Variants in DHPS observed in about 807,000 individuals in gnomAD.
The protein encoded by DHPS is migration-inducing gene 13.
Under a neutral mutation model 38.7 loss-of-function variants are expected in DHPS, and 24 were observed. The observed-to-expected ratio is 0.62, with a 90% CI of 0.45 to 0.87. DHPS has a LOEUF of 0.87. Among genes scored for constraint, DHPS ranks in the 40% least tolerant of loss-of-function variants. DHPS has a pLI of 0.00. For missense variants in DHPS, 510 were observed against 497.6 expected, an observed-to-expected ratio of 1.02 and a Z score of -0.24; for synonymous variants, 250 against 204.4, an observed-to-expected ratio of 1.22 and a Z score of -1.90.
At position 12,681,319 on chromosome 19, in the gene DHPS, C is replaced by G. The variant is rs1192866622; in HGVS notation, c.207+241G>C. ...TTTAAATGTACCTAGAACCCGCCCC[C>G]ACACCAAGAATCAGTCCTCGCCTCC... On this transcript the variant is annotated intron_variant, in intron 1 of 8. Coordinates refer to ENST00000210060, the MANE Select transcript of DHPS (RefSeq NM_001930.4). 1.1e-5 allele frequency: 12 copies of G among 1,133,660 alleles called. No homozygotes were observed. The East Asian group carries it at 2.2e-4, about 21-fold the overall frequency. 70.2% of individuals were successfully genotyped at this position (1,133,660 alleles called of 1,614,324 possible).
chr19:12,679,972 C>A (rs1273353728), intron 2 of DHPS, 50 bp from the exon 3 acceptor site: 6 of 1,583,964 alleles, frequency 3.8e-6, no homozygotes, highest in African/African-American at 1.4e-5. Flanking sequence ...CCCCTGCCCT[C>A]ATTCTGGGCA....
chr19:12,678,258 CAAA>C (rs200039394), intron 5 of DHPS, among the ~76,000 whole-genome samples: 1 of 114,374 alleles, frequency 8.7e-6, no homozygotes. Context: ...AACTCCGTCT[CAAA>C]AAAAAAAAAA....
chr19:12,672,630 G>A (rs2024456316), downstream of DHPS: 1 of 579,382 alleles, frequency 1.7e-6, no homozygotes, highest in Non-Finnish European at 3.1e-6. Context: ...AGAAAAGGGG[G>A]AATCAGAAGG....
rs143991557 is a variant in DHPS, at chr19:12,678,672, G to A, written c.678+785C>T. On this transcript the variant is annotated intron_variant, in intron 5 of 8. Transcript: ENST00000210060. ...TAGTCCCAGCTACTCAGGAGGGTGA[G>A]GCGGGAGAATCACTTGAACCTGGGA... is the stretch of plus-strand genomic sequence containing the variant. Among the ~76,000 whole-genome samples the A allele has an allele frequency of 3.1e-3, 468 of 151,314 alleles. 5 individuals carry two copies. The highest frequency in any genetic ancestry group is 0.011 in the African/African-American group (440 of 41,204).
chr19:12,674,191 G>A (rs1484184061), downstream of DHPS, among the ~76,000 whole-genome samples: 1 of 152,242 alleles, frequency 6.6e-6, no homozygotes. Flanking sequence ...TGGGCAAGGG[G>A]GAGCCGACGG....
downstream of DHPS, chr19:12,673,407 G>A: frequency 2.4e-6 from 1 of 415,214 alleles, no homozygotes; most frequent in Non-Finnish European, 4.4e-6. Context: ...TGAAGGCTAG[G>A]ATCTTTTTTT....
chr19:12,673,691 C>T (rs756414804), downstream of DHPS, among the ~76,000 whole-genome samples: 1 of 151,768 alleles, frequency 6.6e-6, no homozygotes, highest in Non-Finnish European at 1.5e-5. Flanking sequence ...GCTAGGATTA[C>T]AGGCGTAAGC....
chr19:12,673,563 G>A (rs1177276756), downstream of DHPS, among the ~76,000 whole-genome samples: 1 of 151,802 alleles, frequency 6.6e-6, no homozygotes, highest in African/African-American at 2.4e-5. Context: ...GATTATAGGT[G>A]CGTGCCACCA....
chr19:12,677,299 A>G lies in DHPS; in HGVS notation c.776T>C (p.Ile259Thr). ...TGGCCCTAGCGCCTCACCCTCAACG[A>G]TGTCCAGGACCAGGCCCGGGTTCTT... Reference protein sequence around the residue: ...SYKNPGLVLDIVEDLRLINTQ... With the variant: ...SYKNPGLVLDTVEDLRLINTQ... The change falls in exon 6 of 9, where the codon ATC becomes ACC. Residue 259 changes from isoleucine to threonine, a missense_variant. Transcript: ENST00000210060. 6.2e-7 allele frequency: 1 copy of G among 1,614,130 alleles called. No individual in the cohort carries two copies. The highest frequency in any genetic ancestry group is 1.1e-5 in the South Asian group (1 of 91,080).
At chr19:12,681,298 A>C (rs2024801925) in intron 1 of DHPS, 1 of 1,259,244 alleles carries the variant, frequency 7.9e-7, no homozygotes, top group South Asian at 1.6e-5. Context: ...GAAAGCTTTA[A>C]ATGTACCTAG....
At chr19:12,677,737 G>GTGATTCTCC (rs1156929221) in intron 5 of DHPS, among the ~76,000 whole-genome samples, 1 of 152,058 alleles carries the variant, frequency 6.6e-6, no homozygotes, top group Non-Finnish European at 1.5e-5. Context: ...CTGGGTTCCA[G>GTGATTCTCC]TGATTCTCCT....
Position 12,679,790 on chromosome 19 carries a change from A to C in DHPS, c.494+11T>G. The C allele has an allele frequency of 6.2e-7, 1 of 1,614,090 alleles. No homozygotes were observed. The highest frequency in any genetic ancestry group is 1.1e-5 in the South Asian group (1 of 91,076). ...CCAGCTCCCCTGCCCAACACCACTCAGGGTTCTCACCTATTGATCCCGTTC... is the reference window on the plus strand; with the variant it reads ...CCAGCTCCCCTGCCCAACACCACTCCGGGTTCTCACCTATTGATCCCGTTC... On this transcript the variant is annotated intron_variant, in intron 3 of 8. Coordinates refer to ENST00000210060, the MANE Select transcript of DHPS (RefSeq NM_001930.4).
Position 12,679,734 on chromosome 19 carries a change from C to T in DHPS, c.495-15G>A. 1 of 1,614,188 alleles carries T rather than the reference C, an allele frequency of 6.2e-7. No homozygotes were observed. On this transcript the variant is annotated splice_polypyrimidine_tract_variant and intron_variant, in intron 3 of 8. Transcript: ENST00000210060. Reference sequence around the variant, plus strand: ...GGTTTCCGATCCTGAGAACAGGAGGCATGTAGGCATCAGGCCCCAGGACCC... The same window carrying T: ...GGTTTCCGATCCTGAGAACAGGAGGTATGTAGGCATCAGGCCCCAGGACCC...
In DHPS at chr19:12,676,212, C is replaced by T. The variant is rs118003931; in HGVS notation, c.889-70G>A. The T allele has an allele frequency of 7.4e-4, 1,109 of 1,507,494 alleles. 23 individuals are homozygous for T. In the East Asian group the frequency reaches 0.025, roughly 34 times the overall value. 93.4% of individuals were successfully genotyped at this position (1,507,494 alleles called of 1,614,324 possible). A position where few individuals can be genotyped will look rare whatever the true frequency, so the allele number is the denominator to read the frequency against. ...GGAGACAGACACAGAGGGAGGACAC[C>T]GTAGCCAAACAGGCTGAGAGGTGTG... On this transcript the variant is annotated intron_variant, in intron 7 of 8. Transcript: ENST00000210060.
chr19:12,675,225 G>C (rs188146874), downstream of DHPS, among the ~76,000 whole-genome samples: 25 of 152,286 alleles, frequency 1.6e-4, no homozygotes, highest in East Asian at 4.8e-3. Flanking sequence ...CCAGGAGTTC[G>C]AGACCAGCCT....
downstream of DHPS, among the ~76,000 whole-genome samples, chr19:12,674,586 G>A (rs2024514692): frequency 6.6e-6 from 1 of 152,174 alleles, no homozygotes; most frequent in Non-Finnish European, 1.5e-5. Context: ...TTTTCAAGGT[G>A]GAAAGAGGAA....
Position 12,675,850 on chromosome 19 carries a change from C to G in DHPS, c.1098G>C (p.Lys366Asn). The G allele has an allele frequency of 6.2e-7, 1 of 1,603,516 alleles. No homozygotes were observed. Among genetic ancestry groups the G allele is most frequent in the Non-Finnish European group, 8.5e-7 (1 of 1,174,872 alleles). The change falls in exon 9 of 9, where the codon AAG (lysine) becomes AAC (asparagine). Residue 366 changes from lysine (K) to asparagine (N), a missense_variant. Transcript: ENST00000210060. ...GGACCGCAGCCGCTCAGTCCTCGTTCTTCTCATGCATGAAGGCATCCATCT... is the reference window on the plus strand; with the variant it reads ...GGACCGCAGCCGCTCAGTCCTCGTTGTTCTCATGCATGAAGGCATCCATCT... The part of the protein sequence containing the change: ...AQKMDAFMHE[K>N]NED
In DHPS at chr19:12,679,680, C is replaced by T; in HGVS notation, c.534G>A (p.Lys178=). 1.2e-6 allele frequency: 2 copies of T among 1,614,224 alleles called. No individual in the cohort carries two copies. The highest frequency in any genetic ancestry group is 1.7e-6 in the Non-Finnish European group (2 of 1,180,046). ...GAATGGGCATCAGCCAGTCCTCAAA[C>T]TTGCAGTAATTCTCATTGGGCACCA... ...NLLVPNENYC[K]FEDWLMPILD... The change falls in exon 4 of 9, where the codon AAG becomes AAA. Residue 178 remains lysine (K), a synonymous_variant. Transcript: ENST00000210060.
At chr19:12,679,154 TG>T (rs1272259511) in intron 5 of DHPS, among the ~76,000 whole-genome samples, 8 of 152,116 alleles carry the variant, frequency 5.3e-5, no homozygotes, top group African/African-American at 1.9e-4. Context: ...TAAAATTAGC[TG>T]GGCATGATGG....
Sources: gnomAD v4.1 joint callset for allele counts (sites outside exome capture counted in the v4.1 genomes callset) on GRCh38, gnomAD v4.1.1 for gene constraint, MANE v1.5 for transcripts, NCBI Gene and HGNC (gene_info 2026-07-23, HGNC 2026-07-21) for gene names.